HECA: variants seen among roughly 807,000 people sequenced by gnomAD.
The protein encoded by HECA is headcase protein homolog.
HECA carries 13 observed loss-of-function variants against 37.6 expected under a neutral mutation model. That is an observed-to-expected ratio of 0.35 (90% CI 0.23 to 0.55). The LOEUF is 0.55. HECA is among the 20% of genes least tolerant of loss of function. HECA has a pLI of 0.90. For synonymous variants in HECA, 307 were observed against 291.5 expected, an observed-to-expected ratio of 1.05 and a Z score of -0.54; for missense variants, 527 against 701.9, an observed-to-expected ratio of 0.75 and a Z score of 2.82.
Position 139,167,306 on chromosome 6 carries a change from G to T in HECA, c.1294G>T (p.Val432Phe). The T allele has an allele frequency of 1.3e-6, 2 of 1,596,310 alleles. No homozygotes were observed. The highest frequency in any genetic ancestry group is 1.7e-6 in the Non-Finnish European group (2 of 1,165,666). The change falls in exon 2 of 4, where the codon GTT becomes TTT. Residue 432 changes from valine to phenylalanine, a missense_variant. Coordinates refer to ENST00000367658, the MANE Select transcript of HECA (RefSeq NM_016217.3). ...GAGACATGATGAGATCGAATATGAT[G>T]TTCCTTGTCACCTTCAAGGTATAGG... ...PSRHDEIEYDVPCHLQGRLMH... is the reference protein window; with the variant it reads ...PSRHDEIEYDFPCHLQGRLMH...
chr6:139,136,957 G>A (rs1475746172), intron 1 of HECA, among the ~76,000 whole-genome samples: 1 of 152,260 alleles, frequency 6.6e-6, no homozygotes, highest in South Asian at 2.1e-4. Flanking sequence ...TTTAAACAGG[G>A]CACCTGCTCT....
intron 2 of HECA, among the ~76,000 whole-genome samples, chr6:139,172,133 A>G (rs891100727): frequency 1.3e-5 from 2 of 152,024 alleles, no homozygotes; most frequent in Non-Finnish European, 2.9e-5. Context: ...GCCCAGCCCT[A>G]AACTTTTTTA....
At chr6:139,141,651 C>T (rs575271096) in intron 1 of HECA, among the ~76,000 whole-genome samples, 88 of 152,252 alleles carry the variant, frequency 5.8e-4, no homozygotes, top group African/African-American at 1.7e-3. Flanking sequence ...ATCACAGCAT[C>T]CTCACATGGC....
chr6:139,149,624 TTG>T (rs1409278351), intron 1 of HECA, among the ~76,000 whole-genome samples: 1 of 152,054 alleles, frequency 6.6e-6, no homozygotes, highest in Non-Finnish European at 1.5e-5. Context: ...TTCTGCTGCT[TTG>T]GGGGGAGCCT....
At chr6:139,163,352 C>CTT (rs60943037) in intron 1 of HECA, among the ~76,000 whole-genome samples, 10,165 of 141,292 alleles carry the variant, frequency 0.072, 581 homozygotes, top group African/African-American at 0.15. Flanking sequence ...GTTCTCCATT[C>CTT]TTTTTTTTTT....
chr6:139,168,307 A>AAT (rs1252369785), intron 2 of HECA, among the ~76,000 whole-genome samples: 1 of 152,220 alleles, frequency 6.6e-6, no homozygotes, highest in African/African-American at 2.4e-5. Flanking sequence ...TACTAATGTG[A>AAT]ATATATATAT....
At chr6:139,160,895 TG>T (rs1774790558) in intron 1 of HECA, among the ~76,000 whole-genome samples, 1 of 152,242 alleles carries the variant, frequency 6.6e-6, no homozygotes, top group Admixed American at 6.5e-5. Flanking sequence ...GTACATGAGC[TG>T]AATAGGGCAA....
chr6:139,174,276 A>G (rs1302291535), intron 2 of HECA, 109 bp from the exon 3 acceptor site: 4 of 1,280,394 alleles, frequency 3.1e-6, no homozygotes, highest in Non-Finnish European at 4.3e-6. Context: ...TATTTATCCA[A>G]ATGATAAAAT....
At chr6:139,155,122 G>A (rs146422469) in intron 1 of HECA, among the ~76,000 whole-genome samples, 47 of 152,300 alleles carry the variant, frequency 3.1e-4, no homozygotes, top group African/African-American at 1.1e-3. Context: ...TACTACATAC[G>A]TAGGCCAGAT....
intron 2 of HECA, chr6:139,170,410 T>G (rs1774956147): frequency 6.6e-6 from 1 of 152,232 alleles, no homozygotes; most frequent in East Asian, 1.9e-4. Flanking sequence ...CTGGATATGA[T>G]GTACATTAAG....
chr6:139,164,164 C>T (rs1304652398), intron 1 of HECA, among the ~76,000 whole-genome samples: 1 of 152,154 alleles, frequency 6.6e-6, no homozygotes, highest in Non-Finnish European at 1.5e-5. Context: ...ACAGCACCCT[C>T]CCTCTGGCCT....
Position 139,135,621 on chromosome 6 carries a change from C to A in HECA, c.225C>A (p.Asn75Lys). 5.2e-6 allele frequency: 5 copies of A among 962,622 alleles called. No homozygotes were observed. Among genetic ancestry groups the A allele is most frequent in the Non-Finnish European group, 6.2e-6 (5 of 812,378 alleles). The allele number at this position is 962,622 out of a possible 1,614,324, so 59.6% of individuals were successfully genotyped here. A position where few individuals can be genotyped will look rare whatever the true frequency, so the allele number is the denominator to read the frequency against. ...GAGGCGCGGGGACTGGCGCCGCGAACGCTGCGGCCGCCGCGGGGGCTGCGG... is the reference window on the plus strand; with the variant it reads ...GAGGCGCGGGGACTGGCGCCGCGAAAGCTGCGGCCGCCGCGGGGGCTGCGG... ...GAGGAGTGAA[N>K]AAAAAGAAAA... The change falls in exon 1 of 4, where the codon AAC becomes AAA. Residue 75 changes from asparagine to lysine, a missense_variant. Transcript: ENST00000367658.
chr6:139,168,561 GA>G lies in HECA; in HGVS notation c.1312+1238del, dbSNP rs1197346256. On this transcript the variant is annotated intron_variant, in intron 2 of 3. Transcript: ENST00000367658. ...TTTGCCCCTGAAAATGCCCCTCGTGGAGACTCTTACCCTCCTGCTTCTACCT... is the reference window on the plus strand; with the variant it reads ...TTTGCCCCTGAAAATGCCCCTCGTGGGACTCTTACCCTCCTGCTTCTACCT... Among the ~76,000 whole-genome samples the G allele has an allele frequency of 9.2e-5, 14 of 151,884 alleles. No homozygotes were observed. In the Middle Eastern group the frequency reaches 0.01, roughly 111 times the overall value.
Position 139,135,594 on chromosome 6 carries a change from C to A in HECA, c.198C>A (p.Ala66=). 1 of 960,644 alleles carries A rather than the reference C, an allele frequency of 1.0e-6. No individual in the cohort carries two copies. Among genetic ancestry groups the A allele is most frequent in the Non-Finnish European group, 1.2e-6 (1 of 813,866 alleles). The allele number at this position is 960,644 out of a possible 1,614,324, so 59.5% of individuals were successfully genotyped here. A position where few individuals can be genotyped will look rare whatever the true frequency, so the allele number is the denominator to read the frequency against. ...GAPGAGGAAG[A]GGAGTGAANA... is the part of the protein sequence containing the mutation. ...CGGGCGCCGGAGGCGCGGCGGGCGC[C>A]GGAGGCGCGGGGACTGGCGCCGCGA... The change falls in exon 1 of 4, where the codon GCC becomes GCA. Residue 66 remains alanine (A), a synonymous_variant. Transcript: ENST00000367658.
At chr6:139,174,197 A>C (rs1775019338) in intron 2 of HECA, among the ~76,000 whole-genome samples, 188 bp from the exon 3 acceptor site, 1 of 152,246 alleles carries the variant, frequency 6.6e-6, no homozygotes, top group South Asian at 2.1e-4. Context: ...TGCTTTATTG[A>C]CAACAGCTAG....
At position 139,166,813 on chromosome 6, in the gene HECA, C is replaced by T. The variant is rs1774894383; in HGVS notation, c.801C>T (p.Gly267=). ...AAAYGARSPG[G]SPGQSPPTGY... ...CCTACGGTGCCCGTTCCCCCGGTGG[C>T]TCCCCGGGCCAGTCCCCACCCACGG... is the stretch of plus-strand genomic sequence containing the variant. Residue 267 remains glycine, a synonymous_variant, in exon 2 of 4, where the codon GGC becomes GGT. Coordinates refer to ENST00000367658, the MANE Select transcript of HECA (RefSeq NM_016217.3). 7 of 1,613,542 alleles carry T rather than the reference C, an allele frequency of 4.3e-6. No individual in the cohort carries two copies. Among genetic ancestry groups the T allele is most frequent in the African/African-American group, 1.3e-5 (1 of 74,930 alleles).
intron 1 of HECA, among the ~76,000 whole-genome samples, chr6:139,155,291 G>T (rs1278727382): frequency 6.6e-6 from 1 of 152,236 alleles, no homozygotes; most frequent in Non-Finnish European, 1.5e-5. Flanking sequence ...GTACACACAT[G>T]TAGGCCACTT....
chr6:139,151,250 A>G (rs980370578), intron 1 of HECA: 2 of 152,264 alleles, frequency 1.3e-5, no homozygotes, highest in African/African-American at 4.8e-5. Flanking sequence ...AGTGTATTTC[A>G]GAAAGTTCAG....
intron 2 of HECA, among the ~76,000 whole-genome samples, chr6:139,171,853 C>T (rs549787663): frequency 2.1e-4 from 32 of 149,990 alleles, no homozygotes; most frequent in East Asian, 1.2e-3. Context: ...TTTTTTGTGA[C>T]GGGGTTTCAC....
Sources: gnomAD v4.1 joint callset for allele counts (sites outside exome capture counted in the v4.1 genomes callset) on GRCh38, gnomAD v4.1.1 for gene constraint, MANE v1.5 for transcripts, NCBI Gene and HGNC (gene_info 2026-07-23, HGNC 2026-07-21) for gene names.